The following FGF14 variants were observed in gnomAD, a reference collection of about 807,000 sequenced individuals.
The protein encoded by FGF14 is fibroblast growth factor homologous factor 4.
In FGF14, 5 loss-of-function variants were observed where a neutral mutation model predicts 25.5. That is an observed-to-expected ratio of 0.20 (90% CI 0.10 to 0.41). The LOEUF (loss-of-function observed/expected upper bound fraction) is 0.41, where lower values mean the gene tolerates loss of function less well. Among genes scored for constraint, FGF14 ranks in the 10% least tolerant of loss-of-function variants. The pLI is 1.00. For synonymous variants in FGF14, 138 were observed against 118.3 expected (o/e 1.17, Z -1.08); for missense variants, 222 against 320.1 (o/e 0.69, Z 2.34).
chr13:101,924,321 C>T (rs1458431177), intron 1 of FGF14, among the ~76,000 whole-genome samples: 4 of 152,102 alleles, frequency 2.6e-5, no homozygotes, highest in African/African-American at 7.2e-5. Flanking sequence ...ATGTTCTTTG[C>T]ATTTAGCATA....
intron 1 of FGF14, among the ~76,000 whole-genome samples, chr13:102,295,538 A>T (rs1937350502): frequency 6.6e-6 from 1 of 152,168 alleles, no homozygotes; most frequent in Admixed American, 6.6e-5. Flanking sequence ...CCTAAAACCA[A>T]CTTTCTAAAG....
At chr13:102,326,682 AGGGAAGGGAAG>A (rs1262729103) in intron 1 of FGF14, among the ~76,000 whole-genome samples, 936 of 62,544 alleles carry the variant, frequency 0.015, 21 homozygotes, top group African/African-American at 0.063. Flanking sequence ...AGGGAAGGGA[AGGGAAGGGAAG>A]GGAAGGAAGG....
At chr13:101,944,606 T>C (rs1185604225) in intron 1 of FGF14, among the ~76,000 whole-genome samples, 2 of 152,186 alleles carry the variant, frequency 1.3e-5, no homozygotes, top group African/African-American at 4.8e-5. Flanking sequence ...TGCAGTATTA[T>C]TCATAATAGC....
At chr13:101,755,360 G>A (rs980727971) in intron 3 of FGF14, among the ~76,000 whole-genome samples, 6 of 151,594 alleles carry the variant, frequency 4.0e-5, no homozygotes, top group Non-Finnish European at 5.9e-5. Context: ...AACCAGAGGC[G>A]AGGCATGGTG....
intron 3 of FGF14, among the ~76,000 whole-genome samples, chr13:101,857,438 A>G (rs1198933905): frequency 3.3e-5 from 5 of 151,968 alleles, no homozygotes; most frequent in Admixed American, 2.6e-4. Flanking sequence ...GGAGTGGTCA[A>G]ATCTTAAAAC....
chr13:102,031,369 T>C lies in FGF14; in HGVS notation c.209-156073A>G, dbSNP rs142509832. Among the ~76,000 whole-genome samples the C allele has an allele frequency of 4.8e-3, 733 of 152,226 alleles. 10 individuals are homozygous for C. The highest frequency in any genetic ancestry group is 0.017 in the African/African-American group (686 of 41,558). On this transcript the variant is annotated intron_variant, in intron 1 of 4. Coordinates refer to the FGF14 transcript ENST00000376131. ...CCTCACAACGCGTTAGGTTTCCTTA[T>C]GCACTTATGATATTTGAAGCTCAAA...
chr13:102,044,532 T>C (rs1014567993), intron 1 of FGF14, among the ~76,000 whole-genome samples: 1 of 148,180 alleles, frequency 6.7e-6, no homozygotes. Flanking sequence ...AAGTCTCCTC[T>C]TTCGTAAAAA....
intron 1 of FGF14, among the ~76,000 whole-genome samples, chr13:102,060,702 T>G (rs900734613): frequency 6.6e-6 from 1 of 150,462 alleles, no homozygotes; most frequent in Non-Finnish European, 1.5e-5. Flanking sequence ...GATACAGGAG[T>G]TGGGGGAGCA....
At chr13:102,037,810 G>A (rs1013790281) in intron 1 of FGF14, among the ~76,000 whole-genome samples, 20 of 152,116 alleles carry the variant, frequency 1.3e-4, no homozygotes, top group African/African-American at 4.8e-4. Context: ...CCTGTCCTCA[G>A]GCTTGATAGA....
chr13:102,219,492 T>G (rs1163410865), intron 1 of FGF14, among the ~76,000 whole-genome samples: 1 of 152,214 alleles, frequency 6.6e-6, no homozygotes, highest in Admixed American at 6.5e-5. Flanking sequence ...TTGAACCTTC[T>G]GAGCTTGTGG....
chr13:102,225,029 C>T (rs2050771679), intron 1 of FGF14, among the ~76,000 whole-genome samples: 1 of 152,124 alleles, frequency 6.6e-6, no homozygotes, highest in African/African-American at 2.4e-5. Flanking sequence ...GGGTCACAGT[C>T]GCAGCCTCTC....
chr13:102,076,140 A>G (rs754407910), intron 1 of FGF14, among the ~76,000 whole-genome samples: 6 of 152,132 alleles, frequency 3.9e-5, no homozygotes, highest in Non-Finnish European at 5.9e-5. Context: ...GTGATTATGA[A>G]GTCTACAGTA....
chr13:102,220,867 C>A (rs575722815), intron 1 of FGF14, among the ~76,000 whole-genome samples: 1 of 152,190 alleles, frequency 6.6e-6, no homozygotes, highest in Admixed American at 6.5e-5. Flanking sequence ...TTGGTCTCAG[C>A]TCAGCCTCTC....
At chr13:101,798,461 C>T (rs773637567) in intron 3 of FGF14, among the ~76,000 whole-genome samples, 9 of 151,960 alleles carry the variant, frequency 5.9e-5, no homozygotes, top group Non-Finnish European at 1.0e-4. Context: ...AAACAGGTGT[C>T]CTTATTGACA....
At chr13:102,343,568 T>C (rs1200697331) in intron 1 of FGF14, among the ~76,000 whole-genome samples, 3 of 152,208 alleles carry the variant, frequency 2.0e-5, no homozygotes, top group African/African-American at 7.2e-5. Context: ...GAATGATAAC[T>C]CTACCAGCTG....
chr13:102,326,752 A>AAGG, intron 1 of FGF14, among the ~76,000 whole-genome samples: 1 of 95,286 alleles, frequency 1.0e-5, no homozygotes, highest in Admixed American at 9.3e-5. Flanking sequence ...GGAAGGAAGG[A>AAGG]AAGAGGGAGG....
chr13:101,754,776 T>G (rs2037534701), intron 3 of FGF14, among the ~76,000 whole-genome samples: 1 of 152,016 alleles, frequency 6.6e-6, no homozygotes, highest in Non-Finnish European at 1.5e-5. Context: ...AGTTGAACAG[T>G]TCCTGTGATT....
intron 3 of FGF14, among the ~76,000 whole-genome samples, chr13:101,772,746 G>A (rs11840496): frequency 0.42 from 64,344 of 151,752 alleles, 14,863 homozygotes; most frequent in Non-Finnish European, 0.52. Context: ...AATTTCTGGC[G>A]TTCTGTTAAG....
intron 3 of FGF14, among the ~76,000 whole-genome samples, chr13:101,793,670 G>T (rs1199640395): frequency 1.3e-5 from 2 of 152,096 alleles, no homozygotes; most frequent in African/African-American, 4.8e-5. Context: ...TTTCCATAAT[G>T]GCAGCACTCA....
Sources: allele counts gnomAD v4.1 joint callset (sites outside exome capture counted in the v4.1 genomes callset), GRCh38; gene constraint gnomAD v4.1.1; transcripts MANE v1.5; gene names NCBI Gene and HGNC (gene_info 2026-07-23, HGNC 2026-07-21).